SYK: variants seen among roughly 807,000 people sequenced by gnomAD.
SYK encodes spleen associated tyrosine kinase, also known as tyrosine-protein kinase SYK.
SYK carries 16 observed loss-of-function variants against 77.8 expected under a neutral mutation model. That is an observed-to-expected ratio of 0.21 (90% CI 0.14 to 0.31). The LOEUF is 0.31. SYK is among the 10% of genes least tolerant of loss of function. The pLI, the probability that SYK is intolerant of heterozygous loss-of-function variation, is 1.00. For missense variants in SYK, 529 were observed against 814.4 expected, an observed-to-expected ratio of 0.65 and a Z score of 4.26; for synonymous variants, 312 against 308.7, an observed-to-expected ratio of 1.01 and a Z score of -0.11.
In SYK at chr9:90,850,734, G is replaced by A. The variant is rs565002575; in HGVS notation, c.578+5140G>A. On this transcript the variant is annotated intron_variant, in intron 3 of 13. Coordinates refer to ENST00000375754, the MANE Select transcript of SYK (RefSeq NM_003177.7). ...CATTTCAGTCTGAGAATCGCTTTAC[G>A]TGGAAAGTGGCATTGGTAAGAATTG... 4.7e-5 allele frequency among the ~76,000 whole-genome samples: 7 copies of A among 150,050 alleles called. No individual in the cohort carries two copies. The East Asian group carries it at 1.2e-3, about 25-fold the overall frequency.
intron 11 of SYK, among the ~76,000 whole-genome samples, chr9:90,882,715 C>A (rs955659211): frequency 6.6e-6 from 1 of 152,168 alleles, no homozygotes; most frequent in African/African-American, 2.4e-5. Context: ...ACCAAAATAA[C>A]AAGTACATAT....
At chr9:90,816,430 C>T (rs1000256617) in intron 1 of SYK, among the ~76,000 whole-genome samples, 2 of 152,204 alleles carry the variant, frequency 1.3e-5, no homozygotes, top group South Asian at 2.1e-4. Flanking sequence ...TGGTTGGACA[C>T]GTCTGCCACC....
chr9:90,861,964 C>A (rs1827281370), intron 3 of SYK, among the ~76,000 whole-genome samples: 1 of 152,198 alleles, frequency 6.6e-6, no homozygotes, highest in African/African-American at 2.4e-5. Flanking sequence ...TCATCACCAA[C>A]CTGCTAGCAT....
intron 1 of SYK, among the ~76,000 whole-genome samples, chr9:90,839,659 T>G (rs530569967): frequency 6.6e-6 from 1 of 152,330 alleles, no homozygotes; most frequent in African/African-American, 2.4e-5. Context: ...TGCTCTCATT[T>G]TATTTAAAAT....
intron 3 of SYK, among the ~76,000 whole-genome samples, chr9:90,855,853 A>G (rs1199741014): frequency 6.6e-6 from 1 of 152,176 alleles, no homozygotes; most frequent in African/African-American, 2.4e-5. Flanking sequence ...TTCTCAAATG[A>G]TGCTGATGCT....
intron 3 of SYK, among the ~76,000 whole-genome samples, chr9:90,846,318 G>T (rs887546655): frequency 6.6e-6 from 1 of 152,186 alleles, no homozygotes; most frequent in African/African-American, 2.4e-5. Flanking sequence ...TGATCCCCTG[G>T]TCACCTCTCA....
Position 90,884,250 on chromosome 9 carries a change from CAT to C in SYK, c.1582-3497_1582-3496del, listed in dbSNP as rs75101583. ...ACATACACATACGTGTATATATACA[CAT>C]ACACATACACATACGTGTATATATA... is the stretch of plus-strand genomic sequence containing the variant. On this transcript the variant is annotated intron_variant, in intron 11 of 13. Transcript: ENST00000375754. Among the ~76,000 whole-genome samples, 195 of 36,902 alleles carry C rather than the reference CAT, an allele frequency of 5.3e-3. 6 individuals are homozygous for C. The East Asian group carries it at 0.069, about 13-fold the overall frequency. The allele number at this position is 36,902 out of a possible 152,430, so 24.2% of individuals were successfully genotyped here.
In SYK at chr9:90,895,287, C is replaced by T. The variant is rs187686602; in HGVS notation, c.1836-241C>T. Among the ~76,000 whole-genome samples the T allele has an allele frequency of 5.3e-5, 8 of 152,244 alleles. No homozygotes were observed. The highest frequency in any genetic ancestry group is 8.8e-5 in the Non-Finnish European group (6 of 68,018). ...CTACTTTAGGGTGGACATGAATCAC[C>T]GGGAGGTCTTGTTAAAGTGCAGATA... On this transcript the variant is annotated intron_variant, in intron 13 of 13. Transcript: ENST00000375754. The surrounding 1 kb of genome is among the most constrained non-coding windows in gnomAD (Gnocchi z 4.4).
chr9:90,847,549 G>A (rs987343561), intron 3 of SYK, among the ~76,000 whole-genome samples: 13 of 152,234 alleles, frequency 8.5e-5, no homozygotes, highest in South Asian at 8.3e-4. Flanking sequence ...ACACCTTCCC[G>A]TGCTCCCTCC....
At chr9:90,862,126 C>T (rs1374179101) in intron 3 of SYK, 80 bp from the exon 4 acceptor site, 3 of 1,463,752 alleles carry the variant, frequency 2.0e-6, no homozygotes, top group Non-Finnish European at 2.7e-6. Context: ...GCTGACCATT[C>T]AGGCCAGGGT....
At position 90,878,946 on chromosome 9, in the gene SYK, A is replaced by G. The variant is rs748266950; in HGVS notation, c.1574A>G (p.Tyr525Cys). Reference protein sequence around the residue: ...LSKALRADENYYKAQTHGKWP... With the variant: ...LSKALRADENCYKAQTHGKWP... The stretch of plus-strand genomic sequence containing the variant: ...AAAGCACTGCGTGCTGATGAAAACT[A>G]CTACAAGGTAAGTACAACTTAGCTA... Residue 525 changes from tyrosine (Y) to cysteine (C), a missense_variant, in exon 11 of 14, where the codon TAC (tyrosine) becomes TGC (cysteine). By Grantham distance (194) the Tyr-to-Cys change is radical (BLOSUM62 -2). This residue lies in a region of SYK where 208 missense variants were observed against 381.3 expected (regional missense o/e 0.55). Transcript: ENST00000375754. The G allele has an allele frequency of 6.2e-7, 1 of 1,607,346 alleles. No individual in the cohort carries two copies. The highest frequency in any genetic ancestry group is 1.1e-5 in the South Asian group (1 of 90,880).
intron 11 of SYK, among the ~76,000 whole-genome samples, chr9:90,879,552 G>A (rs148351831): frequency 3.2e-4 from 49 of 152,286 alleles, no homozygotes; most frequent in African/African-American, 1.2e-3. Context: ...ACATGCAAAA[G>A]TTAGAAAGTG....
At chr9:90,841,919 T>C (rs977420802) in intron 1 of SYK, among the ~76,000 whole-genome samples, 2 of 150,402 alleles carry the variant, frequency 1.3e-5, no homozygotes, top group African/African-American at 2.5e-5. Context: ...GTAGTGTCCG[T>C]GTAGTACATG....
chr9:90,875,422 A>AG (rs11378122), intron 9 of SYK, among the ~76,000 whole-genome samples: 8,661 of 152,090 alleles, frequency 0.057, 293 homozygotes, highest in South Asian at 0.16. Context: ...AACAAAAAAA[A>AG]GAAAAGAAGA....
At chr9:90,812,322 A>T (rs1397488922) in intron 1 of SYK, among the ~76,000 whole-genome samples, 1 of 152,212 alleles carries the variant, frequency 6.6e-6, no homozygotes, top group East Asian at 1.9e-4. Flanking sequence ...TTAGAAACAC[A>T]TCATGCATCA....
At position 90,897,462 on chromosome 9, in the gene SYK, C is replaced by CACTCAGATG. The variant is rs1340006754; in HGVS notation, c.*1862_*1863insACTCAGATG. On this transcript the variant is annotated 3_prime_UTR_variant, in exon 14 of 14. Coordinates refer to ENST00000375754, the MANE Select transcript of SYK (RefSeq NM_003177.7). ...ATTATGAAAGGAGTGGTTGGATGTG[C>CACTCAGATG]CAAGTTTGGTAAAGTGGTGACTGCA... 3 of 232,150 alleles carry CACTCAGATG rather than the reference C, an allele frequency of 1.3e-5. No individual in the cohort carries two copies. Among genetic ancestry groups the CACTCAGATG allele is most frequent in the Middle Eastern group, 1.2e-3 (1 of 806 alleles). 14.4% of individuals were successfully genotyped at this position (232,150 alleles called of 1,614,324 possible). A position where few individuals can be genotyped will look rare whatever the true frequency, so the allele number is the denominator to read the frequency against.
At position 90,862,224 on chromosome 9, in the gene SYK, C is replaced by T. The variant is rs1827295799; in HGVS notation, c.597C>T (p.Asn199=). ...NGKFLIRARD[N]NGSYALCLLH... ...CTTCTAGGATCCGAGCCAGAGACAA[C>T]AACGGCTCCTACGCCCTGTGCCTGC... Residue 199 remains asparagine, a synonymous_variant, in exon 4 of 14, where the codon AAC becomes AAT. Coordinates refer to ENST00000375754, the MANE Select transcript of SYK (RefSeq NM_003177.7). The T allele has an allele frequency of 2.4e-5, 38 of 1,612,958 alleles. No homozygotes were observed. Among genetic ancestry groups the T allele is most frequent in the Non-Finnish European group, 3.2e-5 (38 of 1,179,258 alleles).
At chr9:90,880,147 G>A (rs999278937) in intron 11 of SYK, among the ~76,000 whole-genome samples, 7 of 152,192 alleles carry the variant, frequency 4.6e-5, no homozygotes, top group African/African-American at 2.4e-5. Flanking sequence ...TTCATGCCCT[G>A]CAGTGGTCAG....
Position 90,895,457 on chromosome 9 carries a change from G to T in SYK, c.1836-71G>T. 6.5e-7 allele frequency: 1 copy of T among 1,532,902 alleles called. No individual in the cohort carries two copies. The allele number at this position is 1,532,902 out of a possible 1,614,324, so 95.0% of individuals were successfully genotyped here. On this transcript the variant is annotated intron_variant, in intron 13 of 13. Transcript: ENST00000375754. The surrounding 1 kb of genome is among the most constrained non-coding windows in gnomAD (Gnocchi z 4.4). ...CAGCACCACTGGTACTCAGCCTGCA[G>T]AGGCCCTGCTTGTGATCAGCAATTT...
Sources: allele counts gnomAD v4.1 joint callset (sites outside exome capture counted in the v4.1 genomes callset), GRCh38; gene constraint gnomAD v4.1.1; regional missense constraint gnomAD v4.1.1; non-coding constraint Gnocchi (gnomAD v3.1); transcripts MANE v1.5; gene names NCBI Gene and HGNC (gene_info 2026-07-23, HGNC 2026-07-21).